Variants in CLCN7 observed in about 807,000 individuals in gnomAD.
The protein encoded by CLCN7 is Cl-/H+ antiporter 7.
A neutral mutation model predicts 102.1 loss-of-function variants in CLCN7; 60 were observed. The ratio of observed to expected loss-of-function variants is 0.59; its 90% confidence interval spans 0.48 to 0.73. The LOEUF is 0.73. Ranked by LOEUF, CLCN7 falls within the 30% of genes least tolerant of loss-of-function variation. The probability of loss-of-function intolerance (pLI) is 0.00; values close to 1 mark genes in which losing one functional copy is unlikely to be tolerated. For missense variants in CLCN7, 962 were observed against 1,125.7 expected (o/e 0.85, Z 2.08); for synonymous variants, 560 against 490.5 (o/e 1.14, Z -1.87).
intron 5 of CLCN7, 128 bp downstream of exon 5, chr16:1,460,688 G>T: frequency 6.9e-7 from 1 of 1,441,964 alleles, no homozygotes. Context: ...ACCATGACAG[G>T]GACACAGCCA....
rs1222467138 is a variant in CLCN7 at position 1,455,245 on chromosome 16, A to G, written c.987T>C (p.Phe329=). 1.9e-6 allele frequency: 3 copies of G among 1,605,754 alleles called. No homozygotes were observed. The highest frequency in any genetic ancestry group is 2.6e-6 in the Non-Finnish European group (3 of 1,172,794). Residue 329 remains phenylalanine, a synonymous_variant, in exon 12 of 25, where the codon TTT becomes TTC. Coordinates refer to ENST00000382745, the MANE Select transcript of CLCN7 (RefSeq NM_001287.6). The stretch of plus-strand genomic sequence containing the variant: ...GGGTGAACGTGGAGATCATGGAAGC[A>G]AAGAACTGCGGCAGAGGGCAGGAAA... The part of the protein sequence containing the change: ...WNQFLTWRIF[F]ASMISTFTLN...
intron 11 of CLCN7, chr16:1,455,467 G>A: frequency 1.5e-6 from 1 of 646,994 alleles, no homozygotes; most frequent in Non-Finnish European, 2.8e-6. Context: ...GAGAGCAAGA[G>A]GGGAAGGTGG....
Position 1,475,022 on chromosome 16 carries a change from G to A in CLCN7, c.-48C>T. ...GCCGGGAAGCGCCGGCTGCCCCCGT[G>A]TTTGTTCTCGTGACCCGCGCCGGCG... On this transcript the variant is annotated 5_prime_UTR_variant, in exon 1 of 25. Coordinates refer to ENST00000382745, the MANE Select transcript of CLCN7 (RefSeq NM_001287.6). 7.2e-7 allele frequency: 1 copy of A among 1,393,006 alleles called. No individual in the cohort carries two copies. Among genetic ancestry groups the A allele is most frequent in the Non-Finnish European group, 9.3e-7 (1 of 1,070,840 alleles). The allele number at this position is 1,393,006 out of a possible 1,614,324, so 86.3% of individuals were successfully genotyped here.
intron 2 of CLCN7, among the ~76,000 whole-genome samples, chr16:1,463,519 G>A (rs1363200688): frequency 6.6e-6 from 1 of 152,162 alleles, no homozygotes; most frequent in Non-Finnish European, 1.5e-5. Context: ...TGTCACGCAG[G>A]CTGAAGTACA....
intron 1 of CLCN7, chr16:1,471,616 C>G (rs542295189): frequency 6.6e-6 from 1 of 152,246 alleles, no homozygotes; most frequent in African/African-American, 2.4e-5. Context: ...CGACCGGGCA[C>G]GACTCACGTT....
intron 2 of CLCN7, among the ~76,000 whole-genome samples, chr16:1,464,852 G>A (rs889954237): frequency 2.6e-5 from 4 of 152,184 alleles, no homozygotes; most frequent in African/African-American, 4.8e-5. Context: ...AGACGAGCAC[G>A]CTGCCGCTGA....
Position 1,453,881 on chromosome 16 carries a change from T to C in CLCN7, c.1167A>G (p.Gly389=). 6.2e-7 allele frequency: 1 copy of C among 1,613,174 alleles called. No individual in the cohort carries two copies. Among genetic ancestry groups the C allele is most frequent in the Non-Finnish European group, 8.5e-7 (1 of 1,180,024 alleles). The change falls in exon 14 of 25, where the codon GGA becomes GGG. Residue 389 remains glycine, a synonymous_variant. Transcript: ENST00000382745. ...IAMGVVGGVL[G]AVFNALNYWL... is the part of the protein sequence containing the mutation. ...AGTAGTTCAAGGCATTGAACACTGC[T>C]CCAAGCACACCGCCTGCGAACAGGG...
chr16:1,450,942 G>T (rs990827000), intron 16 of CLCN7, among the ~76,000 whole-genome samples: 1 of 152,214 alleles, frequency 6.6e-6, no homozygotes, highest in African/African-American at 2.4e-5. Flanking sequence ...GGCCCAGCTG[G>T]GTCTAGCAGC....
At chr16:1,462,920 G>A (rs1409228148) in intron 2 of CLCN7, among the ~76,000 whole-genome samples, 2 of 152,186 alleles carry the variant, frequency 1.3e-5, no homozygotes, top group African/African-American at 4.8e-5. Context: ...CAGCACTCTG[G>A]GAGGCAGAGG....
chr16:1,460,649 T>C, intron 5 of CLCN7, 122 bp from the exon 6 acceptor site: 2 of 1,280,302 alleles, frequency 1.6e-6, no homozygotes, highest in Non-Finnish European at 2.2e-6. Flanking sequence ...TGATGTTCAC[T>C]GGACATCCCA....
intron 2 of CLCN7, among the ~76,000 whole-genome samples, chr16:1,464,933 C>T (rs1013531930): frequency 9.9e-5 from 15 of 151,980 alleles, no homozygotes; most frequent in African/African-American, 2.6e-4. Context: ...CAGAGGCATC[C>T]GGCCCCCTCT....
In CLCN7 at chr16:1,446,611, A is replaced by G. The variant is rs1028116858; in HGVS notation, c.*20T>C. On this transcript the variant is annotated 3_prime_UTR_variant, in exon 25 of 25. Coordinates refer to ENST00000382745, the MANE Select transcript of CLCN7 (RefSeq NM_001287.6). Reference sequence around the variant, plus strand: ...GGCCGGGGTGCCAGCGCCAGTGCCCATTATGGGCAGGGCTGGGCCTCACGT... The same window carrying G: ...GGCCGGGGTGCCAGCGCCAGTGCCCGTTATGGGCAGGGCTGGGCCTCACGT... 5 of 1,552,378 alleles carry G rather than the reference A, an allele frequency of 3.2e-6. No individual in the cohort carries two copies. The South Asian group carries it at 5.9e-5, about 18-fold the overall frequency.
At position 1,457,088 on chromosome 16, in the gene CLCN7, C is replaced by T. The variant is rs947516733; in HGVS notation, c.822+166G>A. Among the ~76,000 whole-genome samples, 20 of 152,126 alleles carry T rather than the reference C, an allele frequency of 1.3e-4. No homozygotes were observed. The highest frequency in any genetic ancestry group is 2.2e-4 in the Non-Finnish European group (15 of 68,010). The stretch of plus-strand genomic sequence containing the variant: ...GCAGCGGGCCGTAGGGAGGCCTTGC[C>T]GGGCAGGGACTGTGCCCGCTGGCTC... On this transcript the variant is annotated intron_variant, in intron 9 of 24. Transcript: ENST00000382745. The surrounding 1 kb of genome is among the most constrained non-coding windows in gnomAD (Gnocchi z 5.4).
At chr16:1,448,845 G>T in intron 19 of CLCN7, 79 bp from the exon 20 acceptor site, 1 of 1,596,118 alleles carries the variant, frequency 6.3e-7, no homozygotes. Context: ...TGGGAGCCCA[G>T]AGGCCGCCCC....
At chr16:1,446,799 G>A in intron 24 of CLCN7, 82 bp from the exon 25 acceptor site, 1 of 1,282,324 alleles carries the variant, frequency 7.8e-7, no homozygotes, top group East Asian at 2.5e-5. Context: ...GTGTGGCTGG[G>A]GCAGCACAGG....
chr16:1,465,172 A>T, intron 2 of CLCN7, 95 bp downstream of exon 2: 1 of 1,260,476 alleles, frequency 7.9e-7, no homozygotes, highest in Non-Finnish European at 1.1e-6. Flanking sequence ...CTGGGGCCCC[A>T]CTATCTCCCT....
At position 1,459,216 on chromosome 16, in the gene CLCN7, G is replaced by T. The variant is rs368393066; in HGVS notation, c.595-29C>A. 11 of 1,586,160 alleles carry T rather than the reference G, an allele frequency of 6.9e-6. No individual in the cohort carries two copies. The Admixed American group carries it at 1.7e-4, about 25-fold the overall frequency. ...AAAGAGGGGAAGCACGGCTGAGTGG[G>T]TCACGGCCAGGCTGAGACAGATGCA... is the stretch of plus-strand genomic sequence containing the variant. On this transcript the variant is annotated intron_variant, in intron 6 of 24. Coordinates refer to ENST00000382745, the MANE Select transcript of CLCN7 (RefSeq NM_001287.6).
At chr16:1,462,404 T>G (rs2038950980) in intron 2 of CLCN7, among the ~76,000 whole-genome samples, 1 of 131,440 alleles carries the variant, frequency 7.6e-6, no homozygotes, top group Non-Finnish European at 1.6e-5. Flanking sequence ...TGAGATACAG[T>G]CACTCTTTTT....
intron 2 of CLCN7, among the ~76,000 whole-genome samples, 197 bp from the exon 3 acceptor site, chr16:1,461,871 G>A (rs1435607864): frequency 2.6e-5 from 4 of 151,586 alleles, no homozygotes; most frequent in Non-Finnish European, 5.9e-5. Context: ...GACCAGCTGC[G>A]GTCAGGAGTT....
Sources: gnomAD v4.1 joint callset for allele counts (sites outside exome capture counted in the v4.1 genomes callset) on GRCh38, gnomAD v4.1.1 for gene constraint, Gnocchi (gnomAD v3.1) non-coding constraint, MANE v1.5 for transcripts, NCBI Gene and HGNC (gene_info 2026-07-23, HGNC 2026-07-21) for gene names.